GAS7: variants seen among roughly 807,000 people sequenced by gnomAD.
GAS7 encodes growth arrest-specific protein 7.
A neutral mutation model predicts 71.1 loss-of-function variants in GAS7; 28 were observed. The observed-to-expected ratio is 0.39, with a 90% confidence interval of 0.29 to 0.54. GAS7 has a LOEUF of 0.54. Ranked by LOEUF, GAS7 falls within the 20% of genes least tolerant of loss-of-function variation. GAS7 has a pLI of 0.62. For missense variants in GAS7, 436 were observed against 627.8 expected (o/e 0.69, Z 3.27); for synonymous variants, 258 against 245.8 (o/e 1.05, Z -0.46).
chr17:9,918,060 G>A lies in GAS7; in HGVS notation c.1258C>T (p.Arg420Trp), dbSNP rs773831004. 7.4e-6 allele frequency: 12 copies of A among 1,613,740 alleles called. No individual in the cohort carries two copies. In the African/African-American group the frequency reaches 9.3e-5, roughly 13 times the overall value. ...TGCGTGTACTGGCACAGGTGCTGCC[G>A]GATCATCTCTACCCTCTCCACCTCC... Reference protein sequence around the residue: ...RLEVERVEMIRQHLCQYTQLR... With the variant: ...RLEVERVEMIWQHLCQYTQLR... The change falls in exon 13 of 14, where the codon CGG becomes TGG. Residue 420 changes from arginine (R) to tryptophan (W), a missense_variant. By Grantham distance (101) the Arg-to-Trp change is moderately radical (BLOSUM62 -3). Coordinates refer to ENST00000432992, the MANE Select transcript of GAS7 (RefSeq NM_201433.2).
intron 2 of GAS7, 131 bp from the exon 3 acceptor site, chr17:9,982,015 G>A: frequency 1.6e-6 from 1 of 630,216 alleles, no homozygotes; most frequent in Non-Finnish European, 2.9e-6. Flanking sequence ...CCCCAACCCT[G>A]GCCAGACAGG....
In GAS7 at chr17:10,131,483, C is replaced by T. The variant is rs144927347; in HGVS notation, c.183+66725G>A. On this transcript the variant is annotated intron_variant, in intron 1 of 13. Transcript: ENST00000432992. ...ACCAAAAATACAAAAATTAGCCAGGCGTGTGGCACATGCCTGTAATCCCAG... is the reference window on the plus strand; with the variant it reads ...ACCAAAAATACAAAAATTAGCCAGGTGTGTGGCACATGCCTGTAATCCCAG... Among the ~76,000 whole-genome samples the T allele has an allele frequency of 9.8e-3, 1,486 of 152,224 alleles. 30 individuals are homozygous for T. Among genetic ancestry groups the T allele is most frequent in the African/African-American group, 0.035 (1,438 of 41,532 alleles).
chr17:9,932,194 C>CATCTTTTTT (rs1567789287), intron 9 of GAS7, among the ~76,000 whole-genome samples: 87 of 116,154 alleles, frequency 7.5e-4, no homozygotes, highest in African/African-American at 2.8e-3. Context: ...GTCCCCCCCG[C>CATCTTTTTT]TTTTTTTTTT....
At chr17:10,159,626 C>A (rs1459980237) in intron 1 of GAS7, among the ~76,000 whole-genome samples, 3 of 152,122 alleles carry the variant, frequency 2.0e-5, no homozygotes, top group Non-Finnish European at 4.4e-5. Flanking sequence ...AATTATTACA[C>A]AATCTAGAAG....
chr17:9,936,345 G>C (rs2068401125), intron 8 of GAS7, among the ~76,000 whole-genome samples: 1 of 152,198 alleles, frequency 6.6e-6, no homozygotes, highest in Non-Finnish European at 1.5e-5. Flanking sequence ...CTTTGTATGA[G>C]CACATGCATC....
At chr17:10,175,957 C>T (rs2074371527) in intron 1 of GAS7, among the ~76,000 whole-genome samples, 1 of 152,200 alleles carries the variant, frequency 6.6e-6, no homozygotes, top group Non-Finnish European at 1.5e-5. Context: ...CCCTGGGGCC[C>T]CTCACTGTGC....
At chr17:9,945,689 G>A (rs117869978) in intron 6 of GAS7, among the ~76,000 whole-genome samples, 1,633 of 151,404 alleles carry the variant, frequency 0.011, 36 homozygotes, top group East Asian at 0.071. Context: ...TAGATAATCC[G>A]GCTGGGCACG....
At chr17:9,970,553 A>G (rs147664573) in intron 3 of GAS7, among the ~76,000 whole-genome samples, 5 of 152,080 alleles carry the variant, frequency 3.3e-5, no homozygotes, top group African/African-American at 1.2e-4. Context: ...GATCGCTTGA[A>G]CCCAGGAGGC....
At chr17:9,939,632 C>T (rs1317149945) in intron 8 of GAS7, among the ~76,000 whole-genome samples, 5 of 150,196 alleles carry the variant, frequency 3.3e-5, no homozygotes, top group South Asian at 2.1e-4. Context: ...TTTTTTGAGA[C>T]GGAGTCTCGC....
chr17:10,085,389 G>A (rs986582957), intron 1 of GAS7, among the ~76,000 whole-genome samples: 8 of 152,086 alleles, frequency 5.3e-5, no homozygotes, highest in Admixed American at 5.2e-4. Flanking sequence ...CAGAATGAAA[G>A]AGGAACCATA....
chr17:10,010,220 G>A lies in GAS7; in HGVS notation c.304+9557C>T, dbSNP rs572147816. 6.4e-4 allele frequency among the ~76,000 whole-genome samples: 97 copies of A among 151,790 alleles called. 1 individual carries two copies. The highest frequency in any genetic ancestry group is 1.3e-3 in the Non-Finnish European group (85 of 67,982). On this transcript the variant is annotated intron_variant, in intron 2 of 13. Coordinates refer to ENST00000432992, the MANE Select transcript of GAS7 (RefSeq NM_201433.2). The stretch of plus-strand genomic sequence containing the variant: ...GCTGGAGTGCAGTGGCGTGATCTTG[G>A]CTCACTGCAAGCTCCACCTCCTGGG...
At chr17:10,068,647 C>T (rs117960691) in intron 1 of GAS7, among the ~76,000 whole-genome samples, 1,773 of 151,836 alleles carry the variant, frequency 0.012, 61 homozygotes, top group East Asian at 0.075. Context: ...GCCTACAGTT[C>T]CAGCTTCTCG....
intron 2 of GAS7, among the ~76,000 whole-genome samples, chr17:10,005,106 TGTGTGC>T (rs773781400): frequency 2.6e-5 from 4 of 151,208 alleles, no homozygotes; most frequent in East Asian, 4.0e-4. Context: ...TACATGCATG[TGTGTGC>T]GTGTGCACGC....
intron 1 of GAS7, among the ~76,000 whole-genome samples, chr17:10,134,234 T>C (rs1034005479): frequency 1.3e-5 from 2 of 152,090 alleles, no homozygotes; most frequent in African/African-American, 2.4e-5. Flanking sequence ...GGTTTCACCA[T>C]GTTGGCCAGG....
intron 3 of GAS7, among the ~76,000 whole-genome samples, chr17:9,977,473 C>T (rs913803840): frequency 2.7e-4 from 41 of 152,292 alleles, no homozygotes; most frequent in African/African-American, 9.6e-4. Flanking sequence ...CCACACTGCA[C>T]GTTAAGCCCA....
At chr17:10,005,267 GT>G (rs1567880779) in intron 2 of GAS7, among the ~76,000 whole-genome samples, 8 of 150,804 alleles carry the variant, frequency 5.3e-5, no homozygotes, top group African/African-American at 2.0e-4. Context: ...ACACATACAT[GT>G]ATGTATATGT....
Position 9,914,239 on chromosome 17 carries a change from T to A in GAS7, c.*2989A>T, listed in dbSNP as rs892797303. ...CTATTTGCAAAGAGTTATTTATAAT[T>A]TTTTTGAGATGGAGTCTTGCTCTGT... On this transcript the variant is annotated 3_prime_UTR_variant, in exon 14 of 14. Coordinates refer to ENST00000432992, the MANE Select transcript of GAS7 (RefSeq NM_201433.2). 9.9e-6 allele frequency: 2 copies of A among 202,630 alleles called. No individual in the cohort carries two copies. The highest frequency in any genetic ancestry group is 1.2e-4 in the Admixed American group (2 of 16,688). 12.6% of individuals were successfully genotyped at this position (202,630 alleles called of 1,614,324 possible).
intron 1 of GAS7, among the ~76,000 whole-genome samples, chr17:10,136,083 C>G (rs908710721): frequency 2.6e-5 from 4 of 152,182 alleles, no homozygotes; most frequent in African/African-American, 9.7e-5. Context: ...AAATGCCTCC[C>G]AAATGTTGTC....
chr17:9,922,767 A>G (rs1009254103), intron 11 of GAS7, among the ~76,000 whole-genome samples: 3 of 152,248 alleles, frequency 2.0e-5, no homozygotes, highest in African/African-American at 7.2e-5. Flanking sequence ...AGATCAAATG[A>G]AAACCCAAAT....
Sources: allele counts gnomAD v4.1 joint callset (sites outside exome capture counted in the v4.1 genomes callset), GRCh38; gene constraint gnomAD v4.1.1; transcripts MANE v1.5; gene names NCBI Gene and HGNC (gene_info 2026-07-23, HGNC 2026-07-21).